Variants in GSE1 observed in about 807,000 individuals in gnomAD.
GSE1 encodes Gse1 coiled-coil protein.
A neutral mutation model predicts 112.6 loss-of-function variants in GSE1; 32 were observed. The observed-to-expected ratio is 0.28, with a 90% CI of 0.21 to 0.38. GSE1 has a LOEUF of 0.38. Among genes scored for constraint, GSE1 ranks in the 10% least tolerant of loss-of-function variants. GSE1 has a pLI of 1.00. For missense variants in GSE1, 2,348 were observed against 1,699.2 expected, an observed-to-expected ratio of 1.38 and a Z score of -6.71; for synonymous variants, 1,115 against 735.6, an observed-to-expected ratio of 1.52 and a Z score of -8.35.
At chr16:85,482,484 C>T (rs1250699598) in intron 2 of GSE1, among the ~76,000 whole-genome samples, 4 of 138,838 alleles carry the variant, frequency 2.9e-5, no homozygotes, top group Admixed American at 1.5e-4. Context: ...GTCCCTCAGC[C>T]TCCACGTGAC....
chr16:85,660,693 C>G (rs950055624), intron 8 of GSE1, among the ~76,000 whole-genome samples: 2 of 151,522 alleles, frequency 1.3e-5, no homozygotes. Flanking sequence ...TGCAATGGCA[C>G]GGTCTCAGCT....
intron 2 of GSE1, among the ~76,000 whole-genome samples, chr16:85,402,462 G>A (rs540040910): frequency 1.1e-4 from 16 of 152,342 alleles, no homozygotes; most frequent in African/African-American, 3.8e-4. Flanking sequence ...TGAGGGCCGG[G>A]GCCATGCTGA....
chr16:85,255,957 G>A (rs1445992555), intron 1 of GSE1, among the ~76,000 whole-genome samples: 1 of 152,032 alleles, frequency 6.6e-6, no homozygotes, highest in Non-Finnish European at 1.5e-5. Flanking sequence ...CAAAGTGCTG[G>A]GAATACAGGC....
chr16:85,661,991 C>T (rs1410560964), intron 9 of GSE1, among the ~76,000 whole-genome samples: 2 of 152,198 alleles, frequency 1.3e-5, no homozygotes, highest in South Asian at 2.1e-4. Flanking sequence ...CAAATTGTCC[C>T]AAAAAGCCAA....
At chr16:85,402,346 C>T (rs894883677) in intron 2 of GSE1, among the ~76,000 whole-genome samples, 1 of 152,098 alleles carries the variant, frequency 6.6e-6, no homozygotes, top group Admixed American at 6.5e-5. Context: ...GGAGAAGCTG[C>T]CAGGAAGGGG....
chr16:85,506,447 G>T lies in GSE1; in HGVS notation c.2465-127467G>T, dbSNP rs115979376. On this transcript the variant is annotated intron_variant, in intron 2 of 2. Coordinates refer to the GSE1 transcript ENST00000637419. Reference sequence around the variant, plus strand: ...CCTGAGGGATCTGGTGGGTCCACCAGGGAGGGAGGGAAGGGTTCTTCCAGG... The same window carrying T: ...CCTGAGGGATCTGGTGGGTCCACCATGGAGGGAGGGAAGGGTTCTTCCAGG... 7.0e-3 allele frequency among the ~76,000 whole-genome samples: 1,069 copies of T among 152,250 alleles called. 15 individuals are homozygous for T. Among genetic ancestry groups the T allele is most frequent in the African/African-American group, 0.025 (1,018 of 41,522 alleles).
At chr16:85,383,646 G>A (rs1016342527) in intron 2 of GSE1, among the ~76,000 whole-genome samples, 1 of 151,872 alleles carries the variant, frequency 6.6e-6, no homozygotes, top group Non-Finnish European at 1.5e-5. Flanking sequence ...CCGACCACAT[G>A]GACTCTTCCT....
intron 1 of GSE1, among the ~76,000 whole-genome samples, chr16:85,183,983 C>T (rs923363930): frequency 2.6e-5 from 4 of 152,204 alleles, no homozygotes; most frequent in Admixed American, 1.3e-4. Flanking sequence ...GGTAATTGTT[C>T]ATATTTGTTT....
intron 2 of GSE1, among the ~76,000 whole-genome samples, chr16:85,392,741 A>G (rs1165214354): frequency 3.9e-5 from 6 of 152,224 alleles, no homozygotes; most frequent in Admixed American, 3.9e-4. Flanking sequence ...TATCACAGCC[A>G]GGACTTGTGG....
In GSE1 at chr16:85,339,812, A is replaced by G. The variant is rs1163208896; in HGVS notation, c.2284-17651A>G. Among the ~76,000 whole-genome samples the G allele has an allele frequency of 2.0e-5, 3 of 152,278 alleles. 1 individual carries two copies. In the South Asian group the frequency reaches 6.2e-4, roughly 32 times the overall value. ...TTTTTGGTGACTTTCGTGTTTGCCT[A>G]TGGAACCTGAAGGAGTGGATATACA... On this transcript the variant is annotated intron_variant, in intron 1 of 2. Coordinates refer to the GSE1 transcript ENST00000637419.
At chr16:85,625,956 C>T (rs999768757) in intron 1 of GSE1, among the ~76,000 whole-genome samples, 1 of 152,092 alleles carries the variant, frequency 6.6e-6, no homozygotes, top group African/African-American at 2.4e-5. Flanking sequence ...GCACAGGTTG[C>T]CCCCGCCCAC....
intron 2 of GSE1, among the ~76,000 whole-genome samples, chr16:85,427,762 G>A (rs2049027177): frequency 6.6e-6 from 1 of 152,198 alleles, no homozygotes; most frequent in Admixed American, 6.5e-5. Context: ...AACCCAGGAG[G>A]TGGAGGTTGC....
chr16:85,333,485 C>G (rs1208048532), intron 1 of GSE1, among the ~76,000 whole-genome samples: 2 of 152,246 alleles, frequency 1.3e-5, no homozygotes, highest in Non-Finnish European at 2.9e-5. Flanking sequence ...TCGGGCCCTT[C>G]CACTTTGCCC....
intron 14 of GSE1, among the ~76,000 whole-genome samples, chr16:85,669,892 C>G (rs1371992348): frequency 6.6e-6 from 1 of 152,242 alleles, no homozygotes; most frequent in Non-Finnish European, 1.5e-5. Context: ...TCGCCCCTGT[C>G]AGGCATGACC....
chr16:85,561,323 G>T (rs540816136), intron 1 of GSE1, among the ~76,000 whole-genome samples: 1 of 152,276 alleles, frequency 6.6e-6, no homozygotes, highest in Admixed American at 6.5e-5. Context: ...GCAGGGCGCC[G>T]ATCCTGGGCA....
intron 1 of GSE1, among the ~76,000 whole-genome samples, chr16:85,614,563 A>G (rs1236220042): frequency 6.6e-6 from 1 of 151,956 alleles, no homozygotes; most frequent in Non-Finnish European, 1.5e-5. Context: ...GGGGGAGTGG[A>G]GGCTGCGCCC....
intron 2 of GSE1, among the ~76,000 whole-genome samples, chr16:85,495,469 A>G (rs984315013): frequency 8.4e-6 from 1 of 119,370 alleles, no homozygotes; most frequent in East Asian, 2.1e-4. Context: ...TTATTTATTT[A>G]TTTATTTGTG....
chr16:85,291,283 T>A (rs2045203311), intron 1 of GSE1, among the ~76,000 whole-genome samples: 1 of 152,088 alleles, frequency 6.6e-6, no homozygotes, highest in Non-Finnish European at 1.5e-5. Context: ...GCGTCCCTCC[T>A]CACCCTCCTC....
chr16:85,553,314 C>T (rs1441176081), upstream of GSE1, among the ~76,000 whole-genome samples: 2 of 150,420 alleles, frequency 1.3e-5, no homozygotes, highest in Admixed American at 6.6e-5. Flanking sequence ...CCGCCGCTGC[C>T]GGCGGGTGCA....
Sources: gnomAD v4.1 joint callset for allele counts (sites outside exome capture counted in the v4.1 genomes callset) on GRCh38, gnomAD v4.1.1 for gene constraint, MANE v1.5 for transcripts, NCBI Gene and HGNC (gene_info 2026-07-23, HGNC 2026-07-21) for gene names.